Variants in GPC6 observed in about 807,000 individuals in gnomAD.
GPC6 encodes the protein glypican 6.
A neutral mutation model predicts 55.2 loss-of-function variants in GPC6; 14 were observed. That is an observed-to-expected ratio of 0.25 (90% CI 0.17 to 0.40). GPC6 has a LOEUF of 0.40. Ranked by LOEUF, GPC6 falls within the 10% of genes least tolerant of loss-of-function variation. The pLI is 1.00. For missense variants in GPC6, 641 were observed against 708.5 expected (o/e 0.90, Z 1.08); for synonymous variants, 278 against 259.6 (o/e 1.07, Z -0.68).
At chr13:93,683,530 A>G (rs1424200751) in intron 2 of GPC6, among the ~76,000 whole-genome samples, 1 of 152,198 alleles carries the variant, frequency 6.6e-6, no homozygotes, top group Non-Finnish European at 1.5e-5. Flanking sequence ...ACAGTACGTT[A>G]GCCATCAAAA....
intron 4 of GPC6, among the ~76,000 whole-genome samples, chr13:94,246,051 A>G (rs528333413): frequency 2.6e-5 from 4 of 152,176 alleles, no homozygotes; most frequent in Admixed American, 6.5e-5. Flanking sequence ...TATAGTAGAC[A>G]TTCTAACGGA....
intron 3 of GPC6, among the ~76,000 whole-genome samples, chr13:93,884,291 T>G (rs546793624): frequency 6.6e-6 from 1 of 152,260 alleles, no homozygotes; most frequent in South Asian, 2.1e-4. Flanking sequence ...TTTTAGCTTA[T>G]CTCTTCATAT....
chr13:93,745,101 A>G (rs1669338444), intron 2 of GPC6, among the ~76,000 whole-genome samples: 1 of 152,014 alleles, frequency 6.6e-6, no homozygotes, highest in Non-Finnish European at 1.5e-5. Flanking sequence ...CTCCATTTAC[A>G]TGCAAATCCA....
At chr13:94,226,899 G>C (rs1890575417) in intron 4 of GPC6, among the ~76,000 whole-genome samples, 1 of 152,162 alleles carries the variant, frequency 6.6e-6, no homozygotes, top group South Asian at 2.1e-4. Context: ...CTTGTCTCCA[G>C]CCTGCGTGGC....
intron 1 of GPC6, among the ~76,000 whole-genome samples, chr13:93,384,694 A>G (rs1875325625): frequency 6.6e-6 from 1 of 152,232 alleles, no homozygotes; most frequent in Non-Finnish European, 1.5e-5. Context: ...TTGTGTATTT[A>G]GTGTTTGAAG....
intron 4 of GPC6, among the ~76,000 whole-genome samples, chr13:94,048,931 C>T (rs1045204070): frequency 1.3e-5 from 2 of 151,940 alleles, no homozygotes; most frequent in East Asian, 1.9e-4. Context: ...TGCTCCCCTT[C>T]GGCCATTGTA....
In GPC6 at chr13:94,067,573, TAGA is replaced by T. The variant is rs1296102566; in HGVS notation, c.877+39680_877+39682del. ...CTGGAGTCCATGAGAGATAGATAGA[TAGA>T]TTATAGATAGATAGATAGATAGATA... is the stretch of plus-strand genomic sequence containing the variant. On this transcript the variant is annotated intron_variant, in intron 4 of 8. Transcript: ENST00000377047. 2.4e-3 allele frequency among the ~76,000 whole-genome samples: 343 copies of T among 145,474 alleles called. 3 individuals carry two copies. The highest frequency in any genetic ancestry group is 6.2e-3 in the African/African-American group (240 of 38,930).
intron 3 of GPC6, among the ~76,000 whole-genome samples, chr13:93,924,477 T>G (rs1370200246): frequency 6.6e-5 from 10 of 152,234 alleles, no homozygotes; most frequent in Admixed American, 6.5e-4. Flanking sequence ...AATTCTATTA[T>G]GGATTTAGGG....
intron 3 of GPC6, among the ~76,000 whole-genome samples, chr13:93,964,017 G>GC (rs923110929): frequency 6.6e-6 from 1 of 152,120 alleles, no homozygotes; most frequent in African/African-American, 2.4e-5. Flanking sequence ...CAATCGAGAT[G>GC]CAACACTTCC....
chr13:93,875,132 A>G (rs1330878137), intron 3 of GPC6, among the ~76,000 whole-genome samples: 1 of 152,030 alleles, frequency 6.6e-6, no homozygotes, highest in African/African-American at 2.4e-5. Context: ...AGAATAAAGC[A>G]GAGTTTTCAA....
At chr13:93,623,475 T>TTTA (rs1464270422) in intron 2 of GPC6, among the ~76,000 whole-genome samples, 1 of 145,664 alleles carries the variant, frequency 6.9e-6, no homozygotes, top group Non-Finnish European at 1.5e-5. Context: ...TTTTTTTTTT[T>TTTA]TGAGACGGAG....
intron 1 of GPC6, among the ~76,000 whole-genome samples, chr13:93,316,366 A>T (rs1879248946): frequency 6.6e-6 from 1 of 152,076 alleles, no homozygotes. Flanking sequence ...TTTGTCTTTC[A>T]TGCTTTTCAT....
chr13:94,091,802 A>T (rs989187470), intron 4 of GPC6, among the ~76,000 whole-genome samples: 1 of 151,986 alleles, frequency 6.6e-6, no homozygotes, highest in African/African-American at 2.4e-5. Flanking sequence ...AGTCACTAAA[A>T]TGAAAAGAAC....
At chr13:94,072,086 G>A (rs1884753213) in intron 4 of GPC6, among the ~76,000 whole-genome samples, 1 of 152,086 alleles carries the variant, frequency 6.6e-6, no homozygotes, top group South Asian at 2.1e-4. Context: ...CTCTGAAGAC[G>A]TGTAGACAAA....
chr13:94,111,791 G>T lies in GPC6; in HGVS notation c.877+83897G>T, dbSNP rs570461987. Among the ~76,000 whole-genome samples the T allele has an allele frequency of 1.8e-4, 28 of 152,174 alleles. No homozygotes were observed. The South Asian group carries it at 5.8e-3, about 32-fold the overall frequency. On this transcript the variant is annotated intron_variant, in intron 4 of 8. Coordinates refer to ENST00000377047, the MANE Select transcript of GPC6 (RefSeq NM_005708.5). ...TCCCAGAAGCTGGCCCAGGGTCCAG[G>T]ATAGAATGGGTATTCAGTAATTGCT...
intron 1 of GPC6, among the ~76,000 whole-genome samples, chr13:93,244,751 TCA>T (rs1314032013): frequency 6.6e-6 from 1 of 152,246 alleles, no homozygotes; most frequent in African/African-American, 2.4e-5. Flanking sequence ...TCTGCCTGAC[TCA>T]CAGTGCAGCC....
upstream of GPC6, among the ~76,000 whole-genome samples, chr13:93,224,241 C>T (rs319517): frequency 0.96 from 142,221 of 148,730 alleles, 68,322 homozygotes; most frequent in East Asian, 1. Context: ...GTTGCCCAGT[C>T]TGGAGTGCAA....
chr13:93,336,305 T>G (rs553405153), intron 1 of GPC6, among the ~76,000 whole-genome samples: 2 of 152,342 alleles, frequency 1.3e-5, no homozygotes, highest in East Asian at 3.9e-4. Context: ...GAGACTTTCT[T>G]CCACCTGCAG....
chr13:93,909,568 TA>T (rs2140334208), intron 3 of GPC6, among the ~76,000 whole-genome samples: 1 of 152,238 alleles, frequency 6.6e-6, no homozygotes, highest in South Asian at 2.1e-4. Flanking sequence ...GTTATCACAA[TA>T]AAAGTTCACT....
Sources: gnomAD v4.1 joint callset for allele counts (sites outside exome capture counted in the v4.1 genomes callset) on GRCh38, gnomAD v4.1.1 for gene constraint, MANE v1.5 for transcripts, NCBI Gene and HGNC (gene_info 2026-07-23, HGNC 2026-07-21) for gene names.